The following TMEM120B variants were observed in gnomAD, a reference collection of about 807,000 sequenced individuals.
TMEM120B encodes the protein transmembrane protein 120B.
TMEM120B carries 31 observed loss-of-function variants against 55.5 expected under a neutral mutation model. That is an observed-to-expected ratio of 0.56 (90% CI 0.42 to 0.75). The LOEUF is 0.75. Ranked by LOEUF, TMEM120B falls within the 30% of genes least tolerant of loss-of-function variation. TMEM120B has a pLI of 0.00. For missense variants in TMEM120B, 399 were observed against 425.5 expected (o/e 0.94, Z 0.55); for synonymous variants, 203 against 176.3 (o/e 1.15, Z -1.20).
At chr12:121,758,751 C>T (rs113874569) in intron 5 of TMEM120B, 61,700 of 973,772 alleles carry the variant, frequency 0.063, 2,187 homozygotes, top group Non-Finnish European at 0.069. Flanking sequence ...TGGAGGAGGA[C>T]GGCCCAGCCC....
chr12:121,739,833 CAG>C (rs1332639048), intron 1 of TMEM120B, among the ~76,000 whole-genome samples: 1 of 132,604 alleles, frequency 7.5e-6, no homozygotes, highest in Non-Finnish European at 1.5e-5. Flanking sequence ...AGACAGAGTG[CAG>C]TGGTGTGATC....
chr12:121,755,677 A>AGGT, intron 5 of TMEM120B, among the ~76,000 whole-genome samples: 1 of 152,214 alleles, frequency 6.6e-6, no homozygotes, highest in African/African-American at 2.4e-5. Context: ...TGATCCCAGG[A>AGGT]GACACTGGTA....
At position 121,712,839 on chromosome 12, in the gene TMEM120B, C is replaced by G. The variant is rs1454450707; in HGVS notation, c.-57C>G. On this transcript the variant is annotated 5_prime_UTR_variant, in exon 1 of 12. Transcript: ENST00000449592. Reference sequence around the variant, plus strand: ...GCGCGGGCGTGGGGCGCTGGGGGGCCGGTCGGGCAGCGCTGCGGGAGCAGC... The same window carrying G: ...GCGCGGGCGTGGGGCGCTGGGGGGCGGGTCGGGCAGCGCTGCGGGAGCAGC... 8 of 1,290,620 alleles carry G rather than the reference C, an allele frequency of 6.2e-6. No homozygotes were observed. In the East Asian group the frequency reaches 1.3e-4, roughly 20 times the overall value. The allele number at this position is 1,290,620 out of a possible 1,614,324, so 79.9% of individuals were successfully genotyped here.
chr12:121,750,518 T>C (rs1276000563), intron 4 of TMEM120B, 79 bp downstream of exon 4: 24 of 891,212 alleles, frequency 2.7e-5, no homozygotes, highest in Non-Finnish European at 3.5e-5. Flanking sequence ...AACCCCACAC[T>C]GAGAACCCAC....
intron 1 of TMEM120B, among the ~76,000 whole-genome samples, chr12:121,715,971 C>T (rs2669173): frequency 0.99 from 148,609 of 149,434 alleles, 73,897 homozygotes; most frequent in Non-Finnish European, 1. Context: ...ATGTCCATTG[C>T]GTATGTGCTG....
rs1330131939 is a variant in TMEM120B, at chr12:121,780,712, C to T, written c.*4990C>T. On this transcript the variant is annotated 3_prime_UTR_variant, in exon 12 of 12. Transcript: ENST00000449592. Reference sequence around the variant, plus strand: ...ATTGGGAGTAGTCGTGTAAAGTGCTCAGGTCCACAGGCCATCAATACTAAT... The same window carrying T: ...ATTGGGAGTAGTCGTGTAAAGTGCTTAGGTCCACAGGCCATCAATACTAAT... 3 of 801,702 alleles carry T rather than the reference C, an allele frequency of 3.7e-6. No homozygotes were observed. Among genetic ancestry groups the T allele is most frequent in the East Asian group, 2.7e-5 (1 of 37,010 alleles). The allele number at this position is 801,702 out of a possible 1,614,324, so 49.7% of individuals were successfully genotyped here.
At chr12:121,769,144 A>G (rs1246015488) in intron 6 of TMEM120B, among the ~76,000 whole-genome samples, 1 of 67,384 alleles carries the variant, frequency 1.5e-5, no homozygotes, top group Non-Finnish European at 2.8e-5. Flanking sequence ...AGACTGTCTC[A>G]AAAAAAAAAA....
intron 1 of TMEM120B, among the ~76,000 whole-genome samples, chr12:121,714,372 C>T (rs961763903): frequency 7.2e-5 from 11 of 151,966 alleles, no homozygotes; most frequent in Non-Finnish European, 1.6e-4. Flanking sequence ...TTCTCTGCCT[C>T]AGCCTCCTGA....
chr12:121,769,416 G>A (rs1355875426), intron 6 of TMEM120B, among the ~76,000 whole-genome samples: 7 of 152,266 alleles, frequency 4.6e-5, no homozygotes, highest in African/African-American at 1.7e-4. Flanking sequence ...TCCTGTGTAA[G>A]AATGTCTGGC....
Position 121,775,290 on chromosome 12 carries a change from G to A in TMEM120B, c.906+160G>A, listed in dbSNP as rs1421853648. Among the ~76,000 whole-genome samples the A allele has an allele frequency of 6.6e-6, 1 of 151,188 alleles. No individual in the cohort carries two copies. Among genetic ancestry groups the A allele is most frequent in the Non-Finnish European group, 1.5e-5 (1 of 67,732 alleles). On this transcript the variant is annotated intron_variant, in intron 11 of 11. Coordinates refer to ENST00000449592, the MANE Select transcript of TMEM120B (RefSeq NM_001080825.2). The surrounding 1 kb of genome is among the most constrained non-coding windows in gnomAD (Gnocchi z 4.3). The stretch of plus-strand genomic sequence containing the variant: ...GCGTGTGTGTGGTGTGCTGTGGGGA[G>A]GTTCCTGGGGCGGGCTGGGCTGGCA...
Position 121,712,900 on chromosome 12 carries a change from C to T in TMEM120B, c.5C>T (p.Ser2Phe), listed in dbSNP as rs761857040. Residue 2 changes from serine to phenylalanine, a missense_variant, in exon 1 of 12, where the codon TCC (serine) becomes TTC (phenylalanine). This residue lies in a region of TMEM120B where 6 missense variants were observed against 17.6 expected (regional missense o/e 0.34). Coordinates refer to ENST00000449592, the MANE Select transcript of TMEM120B (RefSeq NM_001080825.2). ...GCCGCCTTGCACCATCGCATCATGT[C>T]CGGGCAGCTGGAGCGTTGCGAGCGC... is the stretch of plus-strand genomic sequence containing the variant. MSGQLERCEREW... is the reference protein window; with the variant it reads MFGQLERCEREW... The T allele has an allele frequency of 3.9e-6, 6 of 1,529,894 alleles. No homozygotes were observed. The highest frequency in any genetic ancestry group is 5.2e-6 in the Non-Finnish European group (6 of 1,145,454). The allele number at this position is 1,529,894 out of a possible 1,614,324, so 94.8% of individuals were successfully genotyped here.
At chr12:121,771,082 A>C in intron 7 of TMEM120B, 110 bp downstream of exon 7, 1 of 1,234,060 alleles carries the variant, frequency 8.1e-7, no homozygotes, top group Non-Finnish European at 1.2e-6. Context: ...CTCCAGGGCC[A>C]ACTTGGGAAA....
intron 2 of TMEM120B, among the ~76,000 whole-genome samples, chr12:121,746,176 A>G (rs1873074660): frequency 6.9e-6 from 1 of 145,362 alleles, no homozygotes; most frequent in Admixed American, 6.9e-5. Flanking sequence ...TTGTTTTCTT[A>G]AACCGCCCCC....
chr12:121,752,144 G>A lies in TMEM120B; in HGVS notation c.382G>A (p.Glu128Lys), dbSNP rs763021435. 6.2e-7 allele frequency: 1 copy of A among 1,613,428 alleles called. No homozygotes were observed. Among genetic ancestry groups the A allele is most frequent in the South Asian group, 1.1e-5 (1 of 91,090 alleles). ...SNQAKFAYKD[E>K]YEKFKLYLTI... The stretch of plus-strand genomic sequence containing the variant: ...TCGTGGCAGGTTCGCCTACAAGGAC[G>A]AATATGAGAAGTTCAAGCTCTACCT... The change falls in exon 5 of 12, where the codon GAA becomes AAA. Residue 128 changes from glutamate (E) to lysine (K), a missense_variant. Physicochemically the swap from Glu to Lys is moderately conservative, Grantham distance 56 (BLOSUM62 1). This residue lies in a region of TMEM120B where 260 missense variants were observed against 303.9 expected (regional missense o/e 0.86). Coordinates refer to ENST00000449592, the MANE Select transcript of TMEM120B (RefSeq NM_001080825.2).
chr12:121,749,110 G>A (rs1056534280), intron 3 of TMEM120B, among the ~76,000 whole-genome samples: 9 of 145,956 alleles, frequency 6.2e-5, no homozygotes, highest in African/African-American at 7.3e-5. Context: ...AGTCAGAGCC[G>A]TGCATTAGGA....
intron 6 of TMEM120B, among the ~76,000 whole-genome samples, chr12:121,767,273 G>T (rs1187493981): frequency 6.6e-6 from 1 of 152,204 alleles, no homozygotes; most frequent in African/African-American, 2.4e-5. Context: ...CCATTCTCCT[G>T]CCTCAACCTC....
At chr12:121,723,719 T>C (rs1402832242) in intron 1 of TMEM120B, among the ~76,000 whole-genome samples, 2 of 152,128 alleles carry the variant, frequency 1.3e-5, no homozygotes, top group Non-Finnish European at 2.9e-5. Context: ...ATTACCACAA[T>C]CTACCTCTTT....
chr12:121,771,050 C>G, intron 7 of TMEM120B, 78 bp downstream of exon 7: 1 of 1,492,042 alleles, frequency 6.7e-7, no homozygotes. Context: ...GGGGGCTGAT[C>G]CAGACAGCGG....
In TMEM120B at chr12:121,775,150, G is replaced by GC. The variant is rs1215528609; in HGVS notation, c.906+21dup. 1 of 1,351,396 alleles carries GC rather than the reference G, an allele frequency of 7.4e-7. No homozygotes were observed. Among genetic ancestry groups the GC allele is most frequent in the South Asian group, 1.2e-5 (1 of 85,444 alleles). The allele number at this position is 1,351,396 out of a possible 1,614,324, so 83.7% of individuals were successfully genotyped here. On this transcript the variant is annotated intron_variant, in intron 11 of 11. Transcript: ENST00000449592. This position sits in a 1 kb window ranked among gnomAD's most constrained non-coding sequence, Gnocchi z 4.3. ...TGGCAGGTATGGGGGGTGGGGGCAT[G>GC]CTCGGGGGAGGTTCCCGGGAGGGCT...
Sources: allele counts gnomAD v4.1 joint callset (sites outside exome capture counted in the v4.1 genomes callset), GRCh38; gene constraint gnomAD v4.1.1; regional missense constraint gnomAD v4.1.1; non-coding constraint Gnocchi (gnomAD v3.1); transcripts MANE v1.5; gene names NCBI Gene and HGNC (gene_info 2026-07-23, HGNC 2026-07-21).